Variants in ECSIT observed in about 807,000 individuals in gnomAD.
The protein encoded by ECSIT is evolutionarily conserved signaling intermediate in Toll pathway, mitochondrial.
ECSIT carries 29 observed loss-of-function variants against 36.8 expected under a neutral mutation model. The observed-to-expected ratio is 0.79, with a 90% CI of 0.59 to 1.08. The LOEUF (loss-of-function observed/expected upper bound fraction) is 1.08, where lower values mean the gene tolerates loss of function less well. Ranked by LOEUF, ECSIT falls within the 50% of genes least tolerant of loss-of-function variation. The pLI is 0.00. For synonymous variants in ECSIT, 231 were observed against 234.8 expected (o/e 0.98, Z 0.15); for missense variants, 542 against 581.0 (o/e 0.93, Z 0.69).
intron 2 of ECSIT, among the ~76,000 whole-genome samples, chr19:11,518,245 G>A (rs1260709530): frequency 6.6e-6 from 1 of 152,110 alleles, no homozygotes; most frequent in Non-Finnish European, 1.5e-5. Context: ...TCGCCAACAT[G>A]GCAAAACCGC....
At chr19:11,520,942 A>G (rs1972090570) in intron 1 of ECSIT, among the ~76,000 whole-genome samples, 2 of 151,828 alleles carry the variant, frequency 1.3e-5, no homozygotes, top group Non-Finnish European at 2.9e-5. Context: ...AGTAGCTGGG[A>G]TTACAGGCAC....
Position 11,513,209 on chromosome 19 carries a change from G to T in ECSIT, c.585C>A (p.Leu195=). The part of the protein sequence containing the change: ...QIFGRKSYPM[L]KLVRLKLWFP... ...ACCACAGCTTCAGGCGCACCAACTT[G>T]AGCATGGGGTAGCTTTTGCGTCCAA... The change falls in exon 4 of 8, where the codon CTC becomes CTA. Residue 195 remains leucine (L), a synonymous_variant. Coordinates refer to ENST00000270517, the MANE Select transcript of ECSIT (RefSeq NM_016581.5). 1 of 1,614,146 alleles carries T rather than the reference G, an allele frequency of 6.2e-7. No individual in the cohort carries two copies. Among genetic ancestry groups the T allele is most frequent in the Admixed American group, 1.7e-5 (1 of 60,002 alleles).
intron 4 of ECSIT, among the ~76,000 whole-genome samples, chr19:11,509,963 G>A (rs1414974446): frequency 6.6e-6 from 1 of 151,340 alleles, no homozygotes; most frequent in Non-Finnish European, 1.5e-5. Context: ...TCCACCTCCT[G>A]GGTTCAAGTG....
intron 2 of ECSIT, among the ~76,000 whole-genome samples, chr19:11,515,253 G>C (rs530241075): frequency 2.6e-5 from 4 of 151,234 alleles, no homozygotes; most frequent in Non-Finnish European, 5.9e-5. Flanking sequence ...ACAGGCGCCT[G>C]CCACCACGCC....
chr19:11,528,428 G>A (rs886449145), intron 1 of ECSIT, among the ~76,000 whole-genome samples: 20 of 152,166 alleles, frequency 1.3e-4, no homozygotes, highest in Non-Finnish European at 2.9e-4. Flanking sequence ...ATTTTTTGTA[G>A]AGAACAGGGT....
At chr19:11,518,070 AC>A (rs1433940954) in intron 2 of ECSIT, among the ~76,000 whole-genome samples, 57 of 151,720 alleles carry the variant, frequency 3.8e-4, no homozygotes, top group Non-Finnish European at 7.4e-5. Flanking sequence ...AAGTGGAAGG[AC>A]TGAGGGCCCA....
intron 4 of ECSIT, among the ~76,000 whole-genome samples, chr19:11,511,370 G>A (rs1187912910): frequency 6.6e-6 from 1 of 152,132 alleles, no homozygotes; most frequent in East Asian, 1.9e-4. Context: ...TGGTGAATGA[G>A]GAACCAAGCC....
rs750072589 is a variant in ECSIT, at chr19:11,513,167, G to A, written c.627C>T (p.Asn209=). The part of the protein sequence containing the change: ...RLKLWFPRFM[N]VNPFPVPRDL... ...CCCGGGGCACTGGGAAGGGGTTGACGTTCATGAATCGAGGGAACCACAGCT... is the reference window on the plus strand; with the variant it reads ...CCCGGGGCACTGGGAAGGGGTTGACATTCATGAATCGAGGGAACCACAGCT... Residue 209 remains asparagine (N), a synonymous_variant, in exon 4 of 8, where the codon AAC becomes AAT. Transcript: ENST00000270517. 14 of 1,614,068 alleles carry A rather than the reference G, an allele frequency of 8.7e-6. No homozygotes were observed. Among genetic ancestry groups the A allele is most frequent in the East Asian group, 2.2e-5 (1 of 44,884 alleles).
intron 2 of ECSIT, among the ~76,000 whole-genome samples, chr19:11,517,320 G>A (rs1972017664): frequency 6.6e-6 from 1 of 151,956 alleles, no homozygotes; most frequent in African/African-American, 2.4e-5. Context: ...AAAATTTCAG[G>A]TTGGGCGCAG....
chr19:11,522,237 CCACAA>C lies in ECSIT; in HGVS notation c.-23-3049_-23-3045del, dbSNP rs1972119951. On this transcript the variant is annotated intron_variant, in intron 1 of 7. Coordinates refer to ENST00000270517, the MANE Select transcript of ECSIT (RefSeq NM_016581.5). ...GCGCTACAAACTCCCAGAGCAGCAC[CCACAA>C]CATGTACCAGGAATATTGGGACCTG... 22 of 608,838 alleles carry C rather than the reference CCACAA, an allele frequency of 3.6e-5. No homozygotes were observed. The South Asian group carries it at 3.9e-4, about 11-fold the overall frequency. The allele number at this position is 608,838 out of a possible 1,614,324, so 37.7% of individuals were successfully genotyped here. A position where few individuals can be genotyped will look rare whatever the true frequency, so the allele number is the denominator to read the frequency against.
chr19:11,506,206 C>T lies in ECSIT; in HGVS notation c.1274G>A (p.Arg425Gln), dbSNP rs763061261. The T allele has an allele frequency of 6.8e-6, 11 of 1,606,806 alleles. No homozygotes were observed. The highest frequency in any genetic ancestry group is 1.7e-4 in the Middle Eastern group (1 of 6,058). The change falls in exon 8 of 8, where the codon CGA (arginine) becomes CAA (glutamine). Residue 425 changes from arginine (R) to glutamine (Q), a missense_variant. Coordinates refer to ENST00000270517, the MANE Select transcript of ECSIT (RefSeq NM_016581.5). ...DHQEEDDNLQ[R>Q]QQQGQS is the part of the protein sequence containing the mutation. The stretch of plus-strand genomic sequence containing the variant: ...AGACTAGCTCTGGCCCTGCTGCTGT[C>T]GCTGCAGGTTGTCGTCTTCTTCCTG...
At chr19:11,510,129 T>G (rs1251678352) in intron 4 of ECSIT, among the ~76,000 whole-genome samples, 1 of 152,088 alleles carries the variant, frequency 6.6e-6, no homozygotes, top group Non-Finnish European at 1.5e-5. Context: ...TGCCTCGGCC[T>G]TCCAAAGTGC....
Position 11,508,061 on chromosome 19 carries a change from G to A in ECSIT, c.739-13C>T. ...TGGGCAAAGGAACCTGCAAGGGAGA[G>A]TAGGGATATAATCTTGTAACCCCCA... On this transcript the variant is annotated splice_polypyrimidine_tract_variant and intron_variant, in intron 4 of 7. Transcript: ENST00000270517. 6.2e-7 allele frequency: 1 copy of A among 1,614,142 alleles called. No homozygotes were observed. Among genetic ancestry groups the A allele is most frequent in the Non-Finnish European group, 8.5e-7 (1 of 1,180,018 alleles).
At chr19:11,523,220 A>T (rs1972144235) in intron 1 of ECSIT, among the ~76,000 whole-genome samples, 1 of 152,144 alleles carries the variant, frequency 6.6e-6, no homozygotes, top group Non-Finnish European at 1.5e-5. Flanking sequence ...GACCTTTATG[A>T]TGATCCACTT....
chr19:11,520,244 T>C (rs1972075227), intron 1 of ECSIT, among the ~76,000 whole-genome samples: 1 of 152,172 alleles, frequency 6.6e-6, no homozygotes, highest in Admixed American at 6.5e-5. Context: ...CCATCTCGGC[T>C]CACTGCAACC....
Position 11,513,068 on chromosome 19 carries a change from G to C in ECSIT, c.726C>G (p.Val242=). The stretch of plus-strand genomic sequence containing the variant: ...CAAGGGCGGATACCTGGTAGATGGT[G>C]ACCCTGGCACTAAGGTCAGGCTCCA... ...RHMEPDLSAR[V]TIYQVPLPKD... is the part of the protein sequence containing the mutation. The change falls in exon 4 of 8, where the codon GTC becomes GTG. Residue 242 remains valine (V), a synonymous_variant. Coordinates refer to ENST00000270517, the MANE Select transcript of ECSIT (RefSeq NM_016581.5). 1 of 1,614,068 alleles carries C rather than the reference G, an allele frequency of 6.2e-7. No individual in the cohort carries two copies. The highest frequency in any genetic ancestry group is 8.5e-7 in the Non-Finnish European group (1 of 1,180,038).
chr19:11,523,672 G>A (rs904858532), intron 1 of ECSIT: 1 of 746,382 alleles, frequency 1.3e-6, no homozygotes, highest in Non-Finnish European at 2.4e-6. Flanking sequence ...AATTAAGGTT[G>A]ATGACAACAA....
chr19:11,508,693 C>T (rs1971809828), intron 4 of ECSIT, among the ~76,000 whole-genome samples: 1 of 152,108 alleles, frequency 6.6e-6, no homozygotes, highest in African/African-American at 2.4e-5. Context: ...GCTGGGACTA[C>T]AGGCGCCTGC....
At chr19:11,506,999 A>G (rs1213629523) in intron 7 of ECSIT, among the ~76,000 whole-genome samples, 1 of 152,120 alleles carries the variant, frequency 6.6e-6, no homozygotes, top group Non-Finnish European at 1.5e-5. Context: ...AAGCTCCCCA[A>G]AGTGTAATTT....
Sources: gnomAD v4.1 joint callset for allele counts (sites outside exome capture counted in the v4.1 genomes callset) on GRCh38, gnomAD v4.1.1 for gene constraint, MANE v1.5 for transcripts, NCBI Gene and HGNC (gene_info 2026-07-23, HGNC 2026-07-21) for gene names.